Variants in FCF1 observed in about 807,000 individuals in gnomAD.
FCF1 encodes the protein FCF1 rRNA-processing protein, also known as rRNA-processing protein FCF1 homolog.
Under a neutral mutation model 32.5 loss-of-function variants are expected in FCF1, and 17 were observed. The ratio of observed to expected loss-of-function variants is 0.52; its 90% CI spans 0.36 to 0.78. FCF1 has a LOEUF of 0.78. Among genes scored for constraint, FCF1 ranks in the 30% least tolerant of loss-of-function variants. The pLI, the probability that FCF1 is intolerant of heterozygous loss-of-function variation, is 0.00. For missense variants in FCF1, 201 were observed against 241.1 expected, an observed-to-expected ratio of 0.83 and a Z score of 1.10; for synonymous variants, 84 against 78.4, an observed-to-expected ratio of 1.07 and a Z score of -0.38.
intron 5 of FCF1, among the ~76,000 whole-genome samples, chr14:74,726,186 TA>T (rs1028810034): frequency 1.4e-4 from 20 of 145,792 alleles, no homozygotes; most frequent in African/African-American, 4.8e-4. Context: ...ATATAAACTA[TA>T]AAAAAAAAAC....
At chr14:74,729,005 C>T (rs1018346828) in intron 5 of FCF1, among the ~76,000 whole-genome samples, 24 of 152,262 alleles carry the variant, frequency 1.6e-4, no homozygotes, top group African/African-American at 4.1e-4. Flanking sequence ...TTGATTTTCC[C>T]GTATTTTATT....
intron 5 of FCF1, among the ~76,000 whole-genome samples, chr14:74,726,853 G>A (rs1347289109): frequency 4.6e-5 from 7 of 151,104 alleles, no homozygotes; most frequent in African/African-American, 1.2e-4. Context: ...GAGAATATGC[G>A]GTGTTTGGTT....
At chr14:74,724,215 C>T (rs773709028) in intron 5 of FCF1, among the ~76,000 whole-genome samples, 22 of 152,164 alleles carry the variant, frequency 1.4e-4, no homozygotes, top group Non-Finnish European at 2.6e-4. Context: ...CTGGAGATCA[C>T]ATTCTACAGG....
chr14:74,714,833 T>G lies in FCF1; in HGVS notation c.72-39T>G, dbSNP rs752861745. 36 of 1,523,604 alleles carry G rather than the reference T, an allele frequency of 2.4e-5. No individual in the cohort carries two copies. In the Middle Eastern group the frequency reaches 5.1e-4, roughly 22 times the overall value. 94.4% of individuals were successfully genotyped at this position (1,523,604 alleles called of 1,614,324 possible). On this transcript the variant is annotated intron_variant, in intron 2 of 7. Transcript: ENST00000341162. ...TTTGAGATTTTAATTGCTGTGGTTT[T>G]TCTTCTCCCTTGGATTTAATTTACC... is the stretch of plus-strand genomic sequence containing the variant.
chr14:74,720,229 T>C (rs566507260), intron 4 of FCF1, among the ~76,000 whole-genome samples: 2 of 152,346 alleles, frequency 1.3e-5, no homozygotes, highest in South Asian at 4.1e-4. Flanking sequence ...ATTCATCCCT[T>C]TAAAGTGTAC....
Position 74,735,751 on chromosome 14 carries a change from G to GC in FCF1, c.*822dup, listed in dbSNP as rs1022770550. ...TGCTCAACTAATTTTTCTTTTTTGG[G>GC]CGGGGGGGGTGGATATTTTTAGTAG... On this transcript the variant is annotated 3_prime_UTR_variant, in exon 8 of 8. Coordinates refer to ENST00000341162, the MANE Select transcript of FCF1 (RefSeq NM_015962.5). 1 of 151,270 alleles carries GC rather than the reference G, an allele frequency of 6.6e-6. No homozygotes were observed. The highest frequency in any genetic ancestry group is 2.4e-5 in the African/African-American group (1 of 41,086). 9.4% of individuals were successfully genotyped at this position (151,270 alleles called of 1,614,324 possible).
intron 4 of FCF1, among the ~76,000 whole-genome samples, chr14:74,720,219 A>G (rs972163738): frequency 2.6e-5 from 4 of 152,206 alleles, no homozygotes; most frequent in South Asian, 2.1e-4. Context: ...CAACTATACA[A>G]TTCATCCCTT....
chr14:74,726,108 A>C (rs1472325125), intron 5 of FCF1, among the ~76,000 whole-genome samples: 1 of 152,114 alleles, frequency 6.6e-6, no homozygotes, highest in Non-Finnish European at 1.5e-5. Context: ...CTCATGAATA[A>C]AATACTATAC....
intron 3 of FCF1, 74 bp downstream of exon 3, chr14:74,715,017 G>A: frequency 6.9e-7 from 1 of 1,459,578 alleles, no homozygotes; most frequent in Non-Finnish European, 9.2e-7. Flanking sequence ...CCCTGAGCTG[G>A]TTTGCTAACT....
chr14:74,713,502 A>G lies in FCF1; in HGVS notation c.21A>G (p.Thr7=), dbSNP rs753952174. Residue 7 remains threonine (T), a synonymous_variant, in exon 2 of 8, where the codon ACA becomes ACG. Transcript: ENST00000341162. ...GTTTCAAGGGGAAGCAAAAGAAAAC[A>G]AGGAAGTATGCGACCATGAAGCGAA... MGKQKK[T]RKYATMKRML... 1.2e-6 allele frequency: 2 copies of G among 1,612,680 alleles called. No individual in the cohort carries two copies. Among genetic ancestry groups the G allele is most frequent in the East Asian group, 2.2e-5 (1 of 44,880 alleles).
rs868127562 is a variant in FCF1 at position 74,735,565 on chromosome 14, T to C, written c.*635T>C. 6.6e-6 allele frequency: 1 copy of C among 152,188 alleles called. No individual in the cohort carries two copies. The allele number at this position is 152,188 out of a possible 1,614,324, so 9.4% of individuals were successfully genotyped here. A position where few individuals can be genotyped will look rare whatever the true frequency, so the allele number is the denominator to read the frequency against. ...ATGAGCTGAGGGTAGTTCAATATGC[T>C]CACTCTTTTTTTTTTTTTTCTTGAG... On this transcript the variant is annotated 3_prime_UTR_variant, in exon 8 of 8. Coordinates refer to ENST00000341162, the MANE Select transcript of FCF1 (RefSeq NM_015962.5).
At chr14:74,713,923 A>G (rs1440912114) in intron 2 of FCF1, among the ~76,000 whole-genome samples, 5 of 152,204 alleles carry the variant, frequency 3.3e-5, no homozygotes, top group African/African-American at 1.2e-4. Flanking sequence ...TGGCAAGGTT[A>G]GAGACCTTGT....
intron 4 of FCF1, among the ~76,000 whole-genome samples, chr14:74,717,887 T>C (rs1450549156): frequency 1.3e-5 from 2 of 152,218 alleles, no homozygotes; most frequent in Non-Finnish European, 2.9e-5. Context: ...GTATACTTTT[T>C]TTTTTGAGAC....
chr14:74,726,054 G>A (rs2090574113), intron 5 of FCF1, among the ~76,000 whole-genome samples: 1 of 151,798 alleles, frequency 6.6e-6, no homozygotes, highest in East Asian at 1.9e-4. Context: ...GTGAGACCTT[G>A]TCTCTTTAAA....
intron 4 of FCF1, among the ~76,000 whole-genome samples, chr14:74,717,104 A>G (rs953467300): frequency 6.6e-6 from 1 of 152,194 alleles, no homozygotes; most frequent in Non-Finnish European, 1.5e-5. Context: ...TCACGCCTGT[A>G]ATGCCAGCAC....
Position 74,715,976 on chromosome 14 carries a change from T to C in FCF1, c.169T>C (p.Phe57Leu), listed in dbSNP as rs1213871754. 5 of 1,613,978 alleles carry C rather than the reference T, an allele frequency of 3.1e-6. No individual in the cohort carries two copies. Among genetic ancestry groups the C allele is most frequent in the Non-Finnish European group, 8.5e-7 (1 of 1,179,896 alleles). ...TCCCCAACACCCTTCCTGCTTATTT[T>C]TCCAATATAATACACAGCTGGGCCC... ...EVPQHPSCLF[F>L]QYNTQLGPPY... Residue 57 changes from phenylalanine to leucine, a missense_variant, in exon 4 of 8, where the codon TTC becomes CTC. Coordinates refer to ENST00000341162, the MANE Select transcript of FCF1 (RefSeq NM_015962.5).
intron 4 of FCF1, among the ~76,000 whole-genome samples, chr14:74,719,624 G>A (rs2090473638): frequency 6.6e-6 from 1 of 151,008 alleles, no homozygotes; most frequent in African/African-American, 2.4e-5. Context: ...AATTAGCTGA[G>A]CATGGTGGAG....
intron 4 of FCF1, among the ~76,000 whole-genome samples, chr14:74,720,776 A>C (rs2090489969): frequency 6.6e-6 from 1 of 152,100 alleles, no homozygotes; most frequent in Admixed American, 6.5e-5. Context: ...CAGCCTCCCA[A>C]GTAGCTGAGA....
chr14:74,715,369 T>A (rs561305173), intron 3 of FCF1, among the ~76,000 whole-genome samples: 6 of 152,328 alleles, frequency 3.9e-5, no homozygotes, highest in African/African-American at 1.4e-4. Flanking sequence ...TTTAACTTTA[T>A]GAAAACTTTA....
Sources: gnomAD v4.1 joint callset for allele counts (sites outside exome capture counted in the v4.1 genomes callset) on GRCh38, gnomAD v4.1.1 for gene constraint, MANE v1.5 for transcripts, NCBI Gene and HGNC (gene_info 2026-07-23, HGNC 2026-07-21) for gene names.